The following ADGRD1 variants were observed in gnomAD, a reference collection of about 807,000 sequenced individuals.
The protein encoded by ADGRD1 is G-protein coupled receptor 133.
Under a neutral mutation model 113.4 loss-of-function variants are expected in ADGRD1, and 77 were observed. The ratio of observed to expected loss-of-function variants is 0.68; its 90% CI spans 0.57 to 0.82. ADGRD1 has a LOEUF of 0.82. Ranked by LOEUF, ADGRD1 falls within the 40% of genes least tolerant of loss-of-function variation. ADGRD1 has a pLI of 0.00. For synonymous variants in ADGRD1, 474 were observed against 475.0 expected, an observed-to-expected ratio of 1.00 and a Z score of 0.03; for missense variants, 1,036 against 1,139.1, an observed-to-expected ratio of 0.91 and a Z score of 1.30.
At chr12:131,054,646 G>T (rs1388948786) in intron 13 of ADGRD1, among the ~76,000 whole-genome samples, 1 of 152,092 alleles carries the variant, frequency 6.6e-6, no homozygotes, top group South Asian at 2.1e-4. Context: ...CTTCCTTCCT[G>T]CATGTGCCAG....
chr12:131,082,739 C>G (rs1886164176), intron 14 of ADGRD1, among the ~76,000 whole-genome samples: 1 of 152,168 alleles, frequency 6.6e-6, no homozygotes, highest in South Asian at 2.1e-4. Flanking sequence ...ATGACCCTGT[C>G]TTTAAGTCCC....
chr12:130,989,128 G>C (rs954872337), intron 6 of ADGRD1: 1 of 152,184 alleles, frequency 6.6e-6, no homozygotes, highest in Non-Finnish European at 1.5e-5. Context: ...CACTGACAGA[G>C]GGCAAATGAT....
chr12:131,105,045 A>T, intron 16 of ADGRD1, 111 bp downstream of exon 16: 1 of 774,356 alleles, frequency 1.3e-6, no homozygotes, highest in Non-Finnish European at 2.0e-6. Context: ...TAAGAGCACC[A>T]GGCTTAGCTG....
chr12:130,995,067 C>T (rs925968328), intron 8 of ADGRD1, among the ~76,000 whole-genome samples: 1 of 152,210 alleles, frequency 6.6e-6, no homozygotes, highest in Non-Finnish European at 1.5e-5. Flanking sequence ...TTAGCCGTGT[C>T]ATTGTGGCCC....
chr12:131,098,157 A>ACCGC (rs1289650064), intron 15 of ADGRD1, among the ~76,000 whole-genome samples: 15,301 of 115,210 alleles, frequency 0.13, 1,946 homozygotes, highest in East Asian at 0.33. Flanking sequence ...TCTGGGCCTC[A>ACCGC]CTTCCTTCTC....
rs1871018923 is a variant in ADGRD1 at position 130,966,574 on chromosome 12, G to A, written c.187+28G>A. ...AGAGACGCGGGTGCTGAGAGCGGCT[G>A]TGGGCGCGGGAATCCCAGGGCCATC... On this transcript the variant is annotated intron_variant, in intron 3 of 24. Transcript: ENST00000261654. This position sits in a 1 kb window ranked among gnomAD's most constrained non-coding sequence, Gnocchi z 4.6. The A allele has an allele frequency of 4.2e-6, 6 of 1,427,762 alleles. No individual in the cohort carries two copies. The highest frequency in any genetic ancestry group is 5.9e-6 in the Non-Finnish European group (6 of 1,010,204). 88.4% of individuals were successfully genotyped at this position (1,427,762 alleles called of 1,614,324 possible).
chr12:131,019,138 AC>A (rs1879000139), intron 13 of ADGRD1, among the ~76,000 whole-genome samples: 1 of 152,202 alleles, frequency 6.6e-6, no homozygotes, highest in African/African-American at 2.4e-5. Context: ...TCAGACCCTG[AC>A]CTTGGGCCGA....
At chr12:131,129,062 G>A (rs56025601) in intron 20 of ADGRD1, among the ~76,000 whole-genome samples, 1 of 87,316 alleles carries the variant, frequency 1.1e-5, no homozygotes, top group Admixed American at 1.1e-4. Context: ...GGCCGGCCCT[G>A]CTGTCTGGGT....
At position 131,000,292 on chromosome 12, in the gene ADGRD1, A is replaced by T. The variant is rs530917767; in HGVS notation, c.967-91A>T. The T allele has an allele frequency of 2.3e-5, 21 of 918,376 alleles. No homozygotes were observed. The East Asian group carries it at 2.7e-4, about 12-fold the overall frequency. The allele number at this position is 918,376 out of a possible 1,614,324, so 56.9% of individuals were successfully genotyped here. ...ATAAAACTGAACTGGTGGTTGATAGAGACCCATTGGAAGATGCGGGGAAAA... is the reference window on the plus strand; with the variant it reads ...ATAAAACTGAACTGGTGGTTGATAGTGACCCATTGGAAGATGCGGGGAAAA... On this transcript the variant is annotated intron_variant, in intron 8 of 24. Coordinates refer to ENST00000261654, the MANE Select transcript of ADGRD1 (RefSeq NM_198827.5).
At position 131,139,303 on chromosome 12, in the gene ADGRD1, A is replaced by G. The variant is rs775434990; in HGVS notation, c.*40A>G. ...AACCAGGCCAGGCTGCGCTCAGAAC[A>G]CACCCCCCCAAACAGAATGAAATGC... is the stretch of plus-strand genomic sequence containing the variant. On this transcript the variant is annotated 3_prime_UTR_variant, in exon 25 of 25. Coordinates refer to ENST00000261654, the MANE Select transcript of ADGRD1 (RefSeq NM_198827.5). 17 of 1,373,926 alleles carry G rather than the reference A, an allele frequency of 1.2e-5. No individual in the cohort carries two copies. Among genetic ancestry groups the G allele is most frequent in the South Asian group, 2.4e-5 (2 of 83,242 alleles). The allele number at this position is 1,373,926 out of a possible 1,614,324, so 85.1% of individuals were successfully genotyped here.
At chr12:131,037,469 C>T (rs1263064534) in intron 13 of ADGRD1, among the ~76,000 whole-genome samples, 1 of 145,888 alleles carries the variant, frequency 6.9e-6, no homozygotes, top group African/African-American at 2.6e-5. Flanking sequence ...TCACTCACTG[C>T]ACCGGGCCTC....
At chr12:131,117,446 C>T (rs990831467) in intron 18 of ADGRD1, among the ~76,000 whole-genome samples, 1 of 152,176 alleles carries the variant, frequency 6.6e-6, no homozygotes, top group African/African-American at 2.4e-5. Flanking sequence ...TTTTCCGTCT[C>T]TCAGATCTGA....
intron 8 of ADGRD1, 123 bp from the exon 9 acceptor site, chr12:131,000,260 G>C: frequency 1.4e-6 from 1 of 730,826 alleles, no homozygotes; most frequent in African/African-American, 1.7e-5. Flanking sequence ...TTTGTTGACT[G>C]CCGTGCATAA....
chr12:131,107,390 C>T (rs77624536), intron 17 of ADGRD1, among the ~76,000 whole-genome samples: 164 of 83,420 alleles, frequency 2.0e-3, no homozygotes, highest in South Asian at 2.1e-3. Context: ...CCCAGAGACC[C>T]GTGTCTAAAT....
intron 18 of ADGRD1, among the ~76,000 whole-genome samples, chr12:131,110,125 AACT>A (rs1950318277): frequency 1.1e-5 from 1 of 89,408 alleles, no homozygotes; most frequent in Non-Finnish European, 2.8e-5. Flanking sequence ...AACAGAATAC[AACT>A]GGATTTTTAA....
chr12:131,136,843 C>T, intron 22 of ADGRD1, 130 bp from the exon 23 acceptor site: 1 of 795,500 alleles, frequency 1.3e-6, no homozygotes, highest in Admixed American at 1.8e-5. Flanking sequence ...CTCACGGGCC[C>T]CAGGTCATGG....
chr12:130,986,335 T>C (rs1400214355), intron 5 of ADGRD1, among the ~76,000 whole-genome samples: 1 of 152,232 alleles, frequency 6.6e-6, no homozygotes. Flanking sequence ...TCATCAGAGT[T>C]ATATAGTTTT....
chr12:131,031,233 T>A (rs1427981004), intron 13 of ADGRD1, among the ~76,000 whole-genome samples: 1 of 152,154 alleles, frequency 6.6e-6, no homozygotes, highest in East Asian at 1.9e-4. Flanking sequence ...TGTTGGGGGC[T>A]CTGACAGCGG....
intron 13 of ADGRD1, chr12:131,024,243 T>A (rs967419129): frequency 6.6e-6 from 1 of 152,304 alleles, no homozygotes; most frequent in Non-Finnish European, 1.5e-5. Flanking sequence ...ACTGGGGTTC[T>A]CTGTGACGTC....
Sources: gnomAD v4.1 joint callset for allele counts (sites outside exome capture counted in the v4.1 genomes callset) on GRCh38, gnomAD v4.1.1 for gene constraint, Gnocchi (gnomAD v3.1) non-coding constraint, MANE v1.5 for transcripts, NCBI Gene and HGNC (gene_info 2026-07-23, HGNC 2026-07-21) for gene names.